Variants in CCDC149 observed in about 807,000 individuals in gnomAD.
The protein encoded by CCDC149 is coiled-coil domain-containing protein 149.
CCDC149 carries 45 observed loss-of-function variants against 59.9 expected under a neutral mutation model. The observed-to-expected ratio is 0.75, with a 90% CI of 0.59 to 0.96. CCDC149 has a LOEUF of 0.96. CCDC149 is among the 40% of genes least tolerant of loss of function. The pLI, the probability that CCDC149 is intolerant of heterozygous loss-of-function variation, is 0.00. For missense variants in CCDC149, 584 were observed against 664.7 expected, an observed-to-expected ratio of 0.88 and a Z score of 1.33; for synonymous variants, 245 against 260.6, an observed-to-expected ratio of 0.94 and a Z score of 0.58.
chr4:24,860,840 G>T (rs1227988254), intron 3 of CCDC149, among the ~76,000 whole-genome samples: 1 of 152,104 alleles, frequency 6.6e-6, no homozygotes, highest in Admixed American at 6.5e-5. Flanking sequence ...ACAAACATAT[G>T]AAAAAATGCT....
intron 1 of CCDC149, among the ~76,000 whole-genome samples, chr4:24,898,938 AG>A (rs949373738): frequency 1.3e-5 from 2 of 152,174 alleles, no homozygotes; most frequent in African/African-American, 4.8e-5. Context: ...GGTGGAAATA[AG>A]GGTTACAGGA....
At chr4:24,932,012 A>T (rs1722609390) in intron 1 of CCDC149, among the ~76,000 whole-genome samples, 2 of 151,872 alleles carry the variant, frequency 1.3e-5, no homozygotes, top group Non-Finnish European at 2.9e-5. Flanking sequence ...AGGCACAGAA[A>T]GGCTTACAGG....
At chr4:24,890,566 T>C (rs143414198) in intron 1 of CCDC149, among the ~76,000 whole-genome samples, 5 of 152,330 alleles carry the variant, frequency 3.3e-5, no homozygotes, top group African/African-American at 9.6e-5. Flanking sequence ...TCTGTCCCAT[T>C]TGAAGACAGA....
intron 1 of CCDC149, among the ~76,000 whole-genome samples, chr4:24,883,059 G>A (rs1015995422): frequency 1.3e-5 from 2 of 152,198 alleles, no homozygotes; most frequent in Non-Finnish European, 2.9e-5. Context: ...AGCACTGAAT[G>A]CTGGAGCTGG....
intron 1 of CCDC149, among the ~76,000 whole-genome samples, chr4:24,879,830 G>C (rs985833294): frequency 2.6e-5 from 4 of 152,156 alleles, no homozygotes; most frequent in African/African-American, 9.7e-5. Flanking sequence ...TGCATTCTTA[G>C]CCCATGGTCC....
intron 4 of CCDC149, among the ~76,000 whole-genome samples, chr4:24,839,055 CACACACAGAGAGAG>C (rs1716750734): frequency 7.0e-6 from 1 of 143,384 alleles, no homozygotes; most frequent in African/African-American, 2.5e-5. Flanking sequence ...CACACACACA[CACACACAGAGAGAG>C]AGAGAGAAAG....
At chr4:24,832,696 A>G (rs1400505917) in intron 8 of CCDC149, among the ~76,000 whole-genome samples, 1 of 152,246 alleles carries the variant, frequency 6.6e-6, no homozygotes, top group Non-Finnish European at 1.5e-5. Context: ...TATATAAAGG[A>G]ATATTACAGT....
At chr4:24,868,655 G>A (rs1718842621) in intron 3 of CCDC149, among the ~76,000 whole-genome samples, 1 of 152,234 alleles carries the variant, frequency 6.6e-6, no homozygotes, top group Non-Finnish European at 1.5e-5. Context: ...GACAAGAGGT[G>A]TCAATGGAAA....
intron 1 of CCDC149, among the ~76,000 whole-genome samples, chr4:24,889,031 ATT>A (rs1249981892): frequency 6.6e-6 from 1 of 152,066 alleles, no homozygotes; most frequent in Admixed American, 6.6e-5. Flanking sequence ...ATGTGCTGAA[ATT>A]TAAGTGAGAT....
At chr4:24,894,610 T>C (rs1720734481) in intron 1 of CCDC149, among the ~76,000 whole-genome samples, 1 of 152,040 alleles carries the variant, frequency 6.6e-6, no homozygotes, top group African/African-American at 2.4e-5. Context: ...GTTTCTCTCC[T>C]CTTTAAGAAG....
intron 1 of CCDC149, among the ~76,000 whole-genome samples, chr4:24,961,664 C>T (rs1723639174): frequency 6.6e-6 from 1 of 152,140 alleles, no homozygotes. Context: ...TGCATATCTA[C>T]AACTATCTGA....
At chr4:24,943,790 T>C (rs1213575468) in intron 1 of CCDC149, among the ~76,000 whole-genome samples, 1 of 152,190 alleles carries the variant, frequency 6.6e-6, no homozygotes, top group East Asian at 1.9e-4. Flanking sequence ...GACATTTATG[T>C]CGCCAAAAAA....
intron 1 of CCDC149, among the ~76,000 whole-genome samples, chr4:24,889,636 A>G (rs993931945): frequency 5.9e-5 from 9 of 152,228 alleles, no homozygotes; most frequent in Admixed American, 2.0e-4. Flanking sequence ...ATTATGACAT[A>G]TAACTGTCAC....
intron 2 of CCDC149, among the ~76,000 whole-genome samples, chr4:24,875,620 C>T (rs576638630): frequency 6.6e-6 from 1 of 151,656 alleles, no homozygotes; most frequent in South Asian, 2.1e-4. Flanking sequence ...ACAGGTGTGT[C>T]ACTGCATTTG....
chr4:24,951,502 A>G (rs1467711764), intron 1 of CCDC149, among the ~76,000 whole-genome samples: 1 of 152,232 alleles, frequency 6.6e-6, no homozygotes, highest in Non-Finnish European at 1.5e-5. Flanking sequence ...AGTCTAGTGG[A>G]AAAAGCCAGG....
intron 1 of CCDC149, chr4:24,895,213 G>C (rs1318522573): frequency 1.6e-6 from 1 of 627,736 alleles, no homozygotes. Flanking sequence ...TCTTGGCTCA[G>C]AAGGGCATAG....
intron 1 of CCDC149, among the ~76,000 whole-genome samples, chr4:24,942,223 G>C (rs1432603026): frequency 6.6e-6 from 1 of 152,184 alleles, no homozygotes; most frequent in African/African-American, 2.4e-5. Flanking sequence ...TCATCCCTGG[G>C]ATGCAAGGCT....
intron 1 of CCDC149, among the ~76,000 whole-genome samples, chr4:24,885,436 C>T (rs1720103788): frequency 6.6e-6 from 1 of 152,188 alleles, no homozygotes; most frequent in South Asian, 2.1e-4. Context: ...ACAGAGAACA[C>T]ACTGGCTTTG....
downstream of CCDC149, among the ~76,000 whole-genome samples, chr4:24,804,416 G>A (rs1037931405): frequency 6.6e-5 from 10 of 150,726 alleles, no homozygotes; most frequent in Non-Finnish European, 1.0e-4. Context: ...GCTTGAACTC[G>A]GGAAGTGGAG....
Sources: allele counts gnomAD v4.1 joint callset (sites outside exome capture counted in the v4.1 genomes callset), GRCh38; gene constraint gnomAD v4.1.1; transcripts MANE v1.5; gene names NCBI Gene and HGNC (gene_info 2026-07-23, HGNC 2026-07-21).